The following SNUPN variants were observed in gnomAD, a reference collection of about 807,000 sequenced individuals.
SNUPN encodes snurportin 1.
Under a neutral mutation model 39.2 loss-of-function variants are expected in SNUPN, and 31 were observed. The ratio of observed to expected loss-of-function variants is 0.79; its 90% CI spans 0.59 to 1.07. The LOEUF (loss-of-function observed/expected upper bound fraction) is 1.07. Ranked by LOEUF, SNUPN falls within the 50% of genes least tolerant of loss-of-function variation. The probability of loss-of-function intolerance (pLI) is 0.00; values close to 1 mark genes in which losing one functional copy is unlikely to be tolerated. For synonymous variants in SNUPN, 132 were observed against 159.0 expected, an observed-to-expected ratio of 0.83 and a Z score of 1.28; for missense variants, 382 against 434.2, an observed-to-expected ratio of 0.88 and a Z score of 1.07.
chr15:75,612,304 A>G (rs1892804277), intron 3 of SNUPN, among the ~76,000 whole-genome samples: 1 of 152,062 alleles, frequency 6.6e-6, no homozygotes, highest in Non-Finnish European at 1.5e-5. Context: ...AAGTGCTGGG[A>G]TTACAGGTAT....
At chr15:75,607,172 G>C in intron 6 of SNUPN, 44 bp downstream of exon 6, 5 of 1,390,666 alleles carry the variant, frequency 3.6e-6, no homozygotes, top group Non-Finnish European at 5.1e-6. Flanking sequence ...CCCAGGAGGA[G>C]AGGAGAAGAC....
intron 3 of SNUPN, among the ~76,000 whole-genome samples, chr15:75,611,257 A>G (rs1656166615): frequency 6.7e-6 from 1 of 148,462 alleles, no homozygotes; most frequent in South Asian, 2.1e-4. Flanking sequence ...CTCACTCCCA[A>G]TCTTTTTTTT....
intron 3 of SNUPN, 126 bp from the exon 4 acceptor site, chr15:75,610,120 G>A (rs1033486238): frequency 2.8e-5 from 20 of 724,210 alleles, no homozygotes; most frequent in East Asian, 1.9e-4. Context: ...GCAGAGAGCC[G>A]GGCACGGGGG....
intron 1 of SNUPN, among the ~76,000 whole-genome samples, chr15:75,624,514 T>C (rs1333173952): frequency 1.7e-5 from 2 of 120,960 alleles, no homozygotes; most frequent in Non-Finnish European, 3.5e-5. Context: ...AAAAAAAAAA[T>C]ACAAAAAAAT....
chr15:75,601,136 A>T lies in SNUPN; in HGVS notation c.759+2T>A. 1 of 1,609,650 alleles carries T rather than the reference A, an allele frequency of 6.2e-7. No individual in the cohort carries two copies. Among genetic ancestry groups the T allele is most frequent in the Non-Finnish European group, 8.5e-7 (1 of 1,175,992 alleles). On this transcript the variant is annotated splice_donor_variant, in intron 8 of 8. Transcript: ENST00000308588. LOFTEE classifies it high-confidence loss of function. ...AGGCAATAAAGACAATGGTTTCGTT[A>T]CCTCAAAAGGGAAATCCATAGATAG...
rs994173406 is a variant in SNUPN at position 75,614,309 on chromosome 15, A to G, written c.303+3099T>C. 2.6e-5 allele frequency among the ~76,000 whole-genome samples: 4 copies of G among 152,284 alleles called. No homozygotes were observed. The East Asian group carries it at 5.8e-4, about 22-fold the overall frequency. ...TCATCTCGAAAAAAGTAAATAAATA[A>G]AATTAATTAAAAAACAAATAAAAAT... On this transcript the variant is annotated intron_variant, in intron 3 of 8. Transcript: ENST00000308588.
At position 75,624,697 on chromosome 15, in the gene SNUPN, C is replaced by T. The variant is rs759799199; in HGVS notation, c.-6+969G>A. On this transcript the variant is annotated intron_variant, in intron 1 of 8. Coordinates refer to ENST00000308588, the MANE Select transcript of SNUPN (RefSeq NM_005701.4). Reference sequence around the variant, plus strand: ...AAAAGAAAAACTGATGTCCTGGATACTGGGGCGGTTCCTTTACCTTCCTTC... The same window carrying T: ...AAAAGAAAAACTGATGTCCTGGATATTGGGGCGGTTCCTTTACCTTCCTTC... 22 of 1,251,242 alleles carry T rather than the reference C, an allele frequency of 1.8e-5. 1 individual carries two copies. In the South Asian group the frequency reaches 2.8e-4, roughly 16 times the overall value. The allele number at this position is 1,251,242 out of a possible 1,614,324, so 77.5% of individuals were successfully genotyped here.
In SNUPN at chr15:75,609,057, G is replaced by A. The variant is rs113591715; in HGVS notation, c.502+501C>T. Among the ~76,000 whole-genome samples, 974 of 151,654 alleles carry A rather than the reference G, an allele frequency of 6.4e-3. 9 individuals are homozygous for A. The highest frequency in any genetic ancestry group is 0.022 in the African/African-American group (905 of 41,354). On this transcript the variant is annotated intron_variant, in intron 5 of 8. Coordinates refer to ENST00000308588, the MANE Select transcript of SNUPN (RefSeq NM_005701.4). ...GAGGCAGGAGAATCACTTGAACCCA[G>A]GAGGCGGAAGTTGCAGTGAGCCAAT...
intron 8 of SNUPN, 90 bp from the exon 9 acceptor site, chr15:75,598,771 T>C (rs972500548): frequency 3.1e-6 from 3 of 954,710 alleles, no homozygotes; most frequent in Non-Finnish European, 3.1e-6. Context: ...GCTCTTGTGG[T>C]CCGACTCCTT....
chr15:75,620,741 C>A (rs1297457604), intron 2 of SNUPN, among the ~76,000 whole-genome samples, 153 bp downstream of exon 2: 1 of 152,192 alleles, frequency 6.6e-6, no homozygotes, highest in East Asian at 1.9e-4. Flanking sequence ...CCTACCTCTG[C>A]CAGGATTTAC....
Position 75,610,106 on chromosome 15 carries a change from G to A in SNUPN, c.304-112C>T, listed in dbSNP as rs78497628. On this transcript the variant is annotated intron_variant, in intron 3 of 8. Coordinates refer to ENST00000308588, the MANE Select transcript of SNUPN (RefSeq NM_005701.4). The stretch of plus-strand genomic sequence containing the variant: ...ATATTAAAAACCTGAGTGAAAGAAT[G>A]AGGGCAGAGAGCCGGGCACGGGGGC... 125 of 826,570 alleles carry A rather than the reference G, an allele frequency of 1.5e-4. No individual in the cohort carries two copies. In the East Asian group the frequency reaches 3.1e-3, roughly 21 times the overall value. The allele number at this position is 826,570 out of a possible 1,614,324, so 51.2% of individuals were successfully genotyped here.
chr15:75,604,717 AT>A (rs964106152), intron 7 of SNUPN, among the ~76,000 whole-genome samples: 1 of 152,068 alleles, frequency 6.6e-6, no homozygotes, highest in Non-Finnish European at 1.5e-5. Flanking sequence ...TTAGTAATAA[AT>A]TTTTTTTAGT....
intron 1 of SNUPN, chr15:75,624,590 T>C: frequency 3.1e-6 from 1 of 323,490 alleles, no homozygotes; most frequent in Middle Eastern, 7.6e-4. Flanking sequence ...GGAGAATGGC[T>C]TGAACCCGTA....
chr15:75,617,044 A>C (rs1344267856), intron 3 of SNUPN, among the ~76,000 whole-genome samples: 1 of 152,266 alleles, frequency 6.6e-6, no homozygotes, highest in East Asian at 1.9e-4. Context: ...GGGCAGGCCC[A>C]ATCCAGAACA....
intron 1 of SNUPN, among the ~76,000 whole-genome samples, chr15:75,624,018 C>G (rs1334707710): frequency 1.4e-5 from 2 of 147,456 alleles, no homozygotes; most frequent in African/African-American, 5.0e-5. Context: ...AGCTCCGCCT[C>G]CCGGGTTCAC....
intron 2 of SNUPN, 32 bp from the exon 3 acceptor site, chr15:75,617,584 C>G: frequency 6.4e-7 from 1 of 1,574,446 alleles, no homozygotes; most frequent in Middle Eastern, 1.7e-4. Context: ...AAGGACATAT[C>G]TTTTCTTCTT....
At chr15:75,607,775 A>G (rs1481461635) in intron 5 of SNUPN, among the ~76,000 whole-genome samples, 1 of 152,226 alleles carries the variant, frequency 6.6e-6, no homozygotes, top group Non-Finnish European at 1.5e-5. Context: ...GCTAAATTAC[A>G]GAGCTCATAC....
chr15:75,606,051 A>G (rs1254688829), intron 6 of SNUPN, among the ~76,000 whole-genome samples: 1 of 152,218 alleles, frequency 6.6e-6, no homozygotes, highest in Non-Finnish European at 1.5e-5. Context: ...AGGCGGAGGC[A>G]GGAGAAGTGC....
chr15:75,613,303 C>T (rs1892842710), intron 3 of SNUPN, among the ~76,000 whole-genome samples: 2 of 138,904 alleles, frequency 1.4e-5, no homozygotes, highest in South Asian at 5.0e-4. Flanking sequence ...TTTGAATAGA[C>T]ATTTCTCCAA....
Sources: allele counts gnomAD v4.1 joint callset (sites outside exome capture counted in the v4.1 genomes callset), GRCh38; gene constraint gnomAD v4.1.1; transcripts MANE v1.5; gene names NCBI Gene and HGNC (gene_info 2026-07-23, HGNC 2026-07-21).